Variants in IL1RAPL1 observed in about 807,000 individuals in gnomAD.
IL1RAPL1 encodes interleukin-1 receptor accessory protein-like 1.
IL1RAPL1 carries 3 observed loss-of-function variants against 48.4 expected under a neutral mutation model. The observed-to-expected ratio is 0.06, with a 90% CI of 0.03 to 0.16. The LOEUF (loss-of-function observed/expected upper bound fraction) is 0.16. IL1RAPL1 is among the 10% of genes least tolerant of loss of function. The probability of loss-of-function intolerance (pLI) is 1.00; values close to 1 mark genes in which losing one functional copy is unlikely to be tolerated. For synonymous variants in IL1RAPL1, 185 were observed against 187.7 expected (o/e 0.99, Z 0.12); for missense variants, 349 against 530.6 (o/e 0.66, Z 3.36).
intron 1 of IL1RAPL1, among the ~76,000 whole-genome samples, chrX:28,650,992 C>T (rs190158597): frequency 5.7e-4 from 64 of 112,012 alleles, no homozygotes; most frequent in African/African-American, 1.9e-3. Context: ...ACTTCATAAG[C>T]GGATAATTCC....
intron 5 of IL1RAPL1, among the ~76,000 whole-genome samples, chrX:29,572,643 A>G (rs1239397045): frequency 8.9e-6 from 1 of 112,659 alleles, no homozygotes; most frequent in Non-Finnish European, 1.9e-5. Flanking sequence ...AAATGGTTCT[A>G]TGGTCAAACA....
At chrX:29,114,254 C>T (rs1007409026) in intron 2 of IL1RAPL1, among the ~76,000 whole-genome samples, 1 of 111,700 alleles carries the variant, frequency 9.0e-6, no homozygotes, top group African/African-American at 3.2e-5. Context: ...CTGCTGTTTT[C>T]TTTAAGAGGA....
intron 6 of IL1RAPL1, among the ~76,000 whole-genome samples, chrX:29,897,363 G>A (rs1488401547): frequency 9.0e-6 from 1 of 111,651 alleles, no homozygotes; most frequent in African/African-American, 3.3e-5. Flanking sequence ...TTATTACAGT[G>A]AAAATAAAAT....
At chrX:29,122,671 G>A (rs1418454335) in intron 2 of IL1RAPL1, among the ~76,000 whole-genome samples, 1 of 110,899 alleles carries the variant, frequency 9.0e-6, no homozygotes, top group Non-Finnish European at 1.9e-5. Flanking sequence ...TAATAGCAGC[G>A]GAAGGATTAA....
chrX:29,432,875 C>T (rs1934437649), intron 5 of IL1RAPL1, among the ~76,000 whole-genome samples: 1 of 111,415 alleles, frequency 9.0e-6, no homozygotes, highest in Non-Finnish European at 1.9e-5. Flanking sequence ...ATTTGTTTCT[C>T]AAATTGAAAG....
At chrX:29,242,496 C>G (rs763791174) in intron 2 of IL1RAPL1, among the ~76,000 whole-genome samples, 1 of 112,189 alleles carries the variant, frequency 8.9e-6, no homozygotes, top group South Asian at 3.7e-4. Context: ...AGATGAGCCA[C>G]TTAATTGTAT....
At chrX:29,636,908 C>CA (rs1339541680) in intron 5 of IL1RAPL1, among the ~76,000 whole-genome samples, 3 of 109,857 alleles carry the variant, frequency 2.7e-5, no homozygotes, top group Non-Finnish European at 5.7e-5. Context: ...GGTACAAATA[C>CA]AAAATACAGG....
At chrX:29,219,285 CTTTA>C (rs1393992613) in intron 2 of IL1RAPL1, among the ~76,000 whole-genome samples, 3 of 111,345 alleles carry the variant, frequency 2.7e-5, no homozygotes, top group Non-Finnish European at 5.7e-5. Context: ...AAAATTATTG[CTTTA>C]TTTATGTATT....
At chrX:29,459,188 G>T (rs959217708) in intron 5 of IL1RAPL1, among the ~76,000 whole-genome samples, 2 of 111,947 alleles carry the variant, frequency 1.8e-5, no homozygotes, top group African/African-American at 3.3e-5. Flanking sequence ...CCTGGTAGAT[G>T]AGGTAAGCTG....
In IL1RAPL1 at chrX:28,814,341, TTGTGTGTGTG is replaced by T. The variant is rs753090480; in HGVS notation, c.82+24946_82+24955del. 4.9e-3 allele frequency among the ~76,000 whole-genome samples: 439 copies of T among 89,742 alleles called. 1 individual carries two copies. The highest frequency in any genetic ancestry group is 7.1e-3 in the Non-Finnish European group (321 of 45,460). 77.9% of individuals were successfully genotyped at this position (89,742 alleles called of 115,157 possible). The stretch of plus-strand genomic sequence containing the variant: ...TATTCCTTTGGGGCAATTTTCAGGT[TTGTGTGTGTG>T]TGTGTGTGTGTGTGTGTGTGTGTGT... On this transcript the variant is annotated intron_variant, in intron 2 of 10. Transcript: ENST00000378993.
intron 2 of IL1RAPL1, among the ~76,000 whole-genome samples, chrX:29,192,992 T>G (rs967191152): frequency 4.5e-5 from 5 of 110,824 alleles, no homozygotes; most frequent in Non-Finnish European, 9.5e-5. Context: ...AAGAATAGTA[T>G]TATTATTATT....
In IL1RAPL1 at chrX:29,226,245, A is replaced by C. The variant is rs181830579; in HGVS notation, c.83-56693A>C. On this transcript the variant is annotated intron_variant, in intron 2 of 10. Coordinates refer to ENST00000378993, the MANE Select transcript of IL1RAPL1 (RefSeq NM_014271.4). ...TATCTTTTCATACTTCTAGAGGCCT[A>C]CTCAGAACATCTGAGTCTCTCCTGA... 2.6e-3 allele frequency among the ~76,000 whole-genome samples: 294 copies of C among 111,409 alleles called. 1 individual carries two copies. The highest frequency in any genetic ancestry group is 8.5e-3 in the African/African-American group (260 of 30,699).
chrX:29,433,824 AT>A (rs746197950), intron 5 of IL1RAPL1, among the ~76,000 whole-genome samples: 8 of 108,137 alleles, frequency 7.4e-5, no homozygotes, highest in East Asian at 2.9e-4. Context: ...ACTTTTTGTC[AT>A]TTTTTTTTAC....
At chrX:29,935,357 T>G (rs1217056467) in intron 8 of IL1RAPL1, among the ~76,000 whole-genome samples, 1 of 111,649 alleles carries the variant, frequency 9.0e-6, no homozygotes. Context: ...CAATTATTAT[T>G]ATGATGGCTG....
At chrX:28,699,294 C>T (rs919197772) in intron 1 of IL1RAPL1, among the ~76,000 whole-genome samples, 5 of 111,914 alleles carry the variant, frequency 4.5e-5, no homozygotes, top group Non-Finnish European at 9.4e-5. Flanking sequence ...GTGTAAAATA[C>T]ACCTTGAACA....
intron 6 of IL1RAPL1, among the ~76,000 whole-genome samples, chrX:29,838,949 T>C (rs1414430840): frequency 1.8e-5 from 2 of 111,900 alleles, no homozygotes; most frequent in African/African-American, 6.5e-5. Flanking sequence ...ATGGCTTGCC[T>C]CTGCTTCCTG....
chrX:28,786,935 A>G (rs1218323073), intron 1 of IL1RAPL1, among the ~76,000 whole-genome samples: 1 of 112,279 alleles, frequency 8.9e-6, no homozygotes, highest in Non-Finnish European at 1.9e-5. Flanking sequence ...ATGGCTAGAT[A>G]CATTTAATCT....
rs1010470410 is a variant in IL1RAPL1 at position 28,665,947 on chromosome X, G to A, written c.-25+77900G>A. ...AGAGTGGGTGTCAGCTATGGAGCAC[G>A]CACGCGCACTCTGGTGCTTGCCCAC... On this transcript the variant is annotated intron_variant, in intron 1 of 10. Coordinates refer to ENST00000378993, the MANE Select transcript of IL1RAPL1 (RefSeq NM_014271.4). Among the ~76,000 whole-genome samples the A allele has an allele frequency of 6.2e-5, 7 of 112,128 alleles. No individual in the cohort carries two copies. In the South Asian group the frequency reaches 1.1e-3, roughly 18 times the overall value.
intron 5 of IL1RAPL1, among the ~76,000 whole-genome samples, chrX:29,557,046 C>T (rs979755304): frequency 1.8e-5 from 2 of 111,917 alleles, no homozygotes; most frequent in Admixed American, 1.9e-4. Flanking sequence ...TATTATAGTA[C>T]TTCAGCCCTT....
Sources: allele counts gnomAD v4.1 joint callset (sites outside exome capture counted in the v4.1 genomes callset), GRCh38; gene constraint gnomAD v4.1.1; transcripts MANE v1.5; gene names NCBI Gene and HGNC (gene_info 2026-07-23, HGNC 2026-07-21).